The following PRKN variants were observed in gnomAD, a reference collection of about 807,000 sequenced individuals.
The protein encoded by PRKN is E3 ubiquitin-protein ligase parkin.
A neutral mutation model predicts 59.5 loss-of-function variants in PRKN; 56 were observed. The ratio of observed to expected loss-of-function variants is 0.94; its 90% CI spans 0.76 to 1.18. The LOEUF (loss-of-function observed/expected upper bound fraction) is 1.18. Ranked by LOEUF, PRKN falls within the 50% of genes most tolerant of loss-of-function variation. PRKN has a pLI of 0.00. For synonymous variants in PRKN, 250 were observed against 222.1 expected (o/e 1.13, Z -1.12); for missense variants, 657 against 596.4 (o/e 1.10, Z -1.06).
intron 3 of PRKN, among the ~76,000 whole-genome samples, chr6:162,220,016 G>A (rs1777862915): frequency 6.6e-6 from 1 of 151,988 alleles, no homozygotes; most frequent in Admixed American, 6.6e-5. Flanking sequence ...ATCAGCAATG[G>A]GGAAAAGACT....
chr6:162,377,030 C>G (rs79569623), intron 2 of PRKN, among the ~76,000 whole-genome samples: 1 of 151,984 alleles, frequency 6.6e-6, no homozygotes, highest in South Asian at 2.1e-4. Flanking sequence ...TAGCAGGAAC[C>G]GCTGCAGCTA....
At chr6:162,250,989 G>C (rs1281518840) in intron 3 of PRKN, among the ~76,000 whole-genome samples, 1 of 151,684 alleles carries the variant, frequency 6.6e-6, no homozygotes, top group Non-Finnish European at 1.5e-5. Context: ...ATCCCATCTT[G>C]GGACACTGAA....
intron 6 of PRKN, among the ~76,000 whole-genome samples, chr6:161,805,478 A>ACACACACACACGCATG (rs61442187): frequency 1.3e-5 from 2 of 149,364 alleles, no homozygotes; most frequent in Non-Finnish European, 3.0e-5. Context: ...ACACACACAC[A>ACACACACACACGCATG]CATGCATGTA....
intron 1 of PRKN, among the ~76,000 whole-genome samples, chr6:162,535,780 A>G (rs1314219142): frequency 2.0e-5 from 3 of 151,852 alleles, no homozygotes; most frequent in African/African-American, 7.3e-5. Flanking sequence ...ACGGTGGTAC[A>G]TGCCTATAAT....
intron 1 of PRKN, among the ~76,000 whole-genome samples, chr6:162,701,652 G>A (rs970750170): frequency 6.6e-6 from 1 of 151,488 alleles, no homozygotes; most frequent in South Asian, 2.1e-4. Context: ...TAAAGCTAAG[G>A]GTCAACAAGC....
At chr6:162,082,502 G>A (rs1266750354) in intron 4 of PRKN, among the ~76,000 whole-genome samples, 3 of 152,034 alleles carry the variant, frequency 2.0e-5, no homozygotes, top group African/African-American at 7.3e-5. Flanking sequence ...CAGCAATAAA[G>A]CTGTTTTTCT....
At position 162,531,522 on chromosome 6, in the gene PRKN, A is replaced by G. The variant is rs558704555; in HGVS notation, c.8-88049T>C. 3.4e-4 allele frequency among the ~76,000 whole-genome samples: 52 copies of G among 152,258 alleles called. 1 individual carries two copies. Among genetic ancestry groups the G allele is most frequent in the Admixed American group, 3.1e-3 (47 of 15,292 alleles). On this transcript the variant is annotated intron_variant, in intron 1 of 11. Transcript: ENST00000366898. ...GTGCTGATTGGCCAGAGATGAAATC[A>G]TAGGACCCGGAGCTGTCTTCCTGCA...
At chr6:161,596,129 C>T (rs114488589) in intron 7 of PRKN, among the ~76,000 whole-genome samples, 1,750 of 152,216 alleles carry the variant, frequency 0.011, 32 homozygotes, top group African/African-American at 0.04. Context: ...CTATACCTAT[C>T]AGGGTTGAGG....
intron 7 of PRKN, among the ~76,000 whole-genome samples, chr6:161,589,300 C>T (rs150979964): frequency 9.6e-4 from 146 of 152,266 alleles, no homozygotes; most frequent in African/African-American, 3.3e-3. Context: ...CTGAGACGCC[C>T]GTATTTTAAT....
rs961441900 is a variant in PRKN at position 161,562,298 on chromosome 6, C to T, written c.933+7057G>A. On this transcript the variant is annotated intron_variant, in intron 8 of 11. Coordinates refer to ENST00000366898, the MANE Select transcript of PRKN (RefSeq NM_004562.3). This position sits in a 1 kb window ranked among gnomAD's most constrained non-coding sequence, Gnocchi z 4.3. ...ACACCACAAATTGCCATTCCTCCTCCGGAAGGCCCGCCTACTTGCCTTCTC... is the reference window on the plus strand; with the variant it reads ...ACACCACAAATTGCCATTCCTCCTCTGGAAGGCCCGCCTACTTGCCTTCTC... 1.3e-5 allele frequency among the ~76,000 whole-genome samples: 2 copies of T among 150,706 alleles called. No homozygotes were observed. The highest frequency in any genetic ancestry group is 2.4e-5 in the African/African-American group (1 of 40,894).
intron 4 of PRKN, among the ~76,000 whole-genome samples, chr6:162,073,283 G>C (rs926895594): frequency 6.6e-6 from 1 of 152,196 alleles, no homozygotes; most frequent in African/African-American, 2.4e-5. Context: ...AAAACACAAT[G>C]CTGCAGCTGC....
chr6:162,249,519 T>G (rs527701398), intron 3 of PRKN, among the ~76,000 whole-genome samples: 3 of 152,158 alleles, frequency 2.0e-5, no homozygotes, highest in Non-Finnish European at 4.4e-5. Flanking sequence ...TCCTGAGAAC[T>G]TCAAGAAGAA....
intron 1 of PRKN, among the ~76,000 whole-genome samples, chr6:162,509,545 T>C (rs1041546595): frequency 6.6e-6 from 1 of 152,164 alleles, no homozygotes; most frequent in South Asian, 2.1e-4. Context: ...AATTCATAGA[T>C]TTTTCCCAAA....
chr6:161,730,711 T>G (rs1326793324), intron 7 of PRKN, among the ~76,000 whole-genome samples: 1 of 152,230 alleles, frequency 6.6e-6, no homozygotes, highest in African/African-American at 2.4e-5. Context: ...CTTTCTGGTG[T>G]GTTGCATTCT....
chr6:162,365,501 C>G (rs909105129), intron 2 of PRKN, among the ~76,000 whole-genome samples: 4 of 152,116 alleles, frequency 2.6e-5, no homozygotes, highest in African/African-American at 9.7e-5. Flanking sequence ...TGGACTCTTA[C>G]GTGATTTACT....
intron 1 of PRKN, among the ~76,000 whole-genome samples, chr6:162,560,867 A>AAAAAAAAAAAC (rs1779809900): frequency 2.0e-5 from 3 of 148,200 alleles, no homozygotes; most frequent in African/African-American, 7.5e-5. Context: ...AAAAAAAAAA[A>AAAAAAAAAAAC]CCCAGGTCAT....
intron 3 of PRKN, among the ~76,000 whole-genome samples, chr6:162,239,907 C>A (rs909819448): frequency 2.6e-5 from 4 of 152,108 alleles, no homozygotes; most frequent in African/African-American, 9.7e-5. Context: ...ATAACCCAGG[C>A]CTCCCAGATG....
At chr6:161,631,606 T>A (rs1307843153) in intron 7 of PRKN, among the ~76,000 whole-genome samples, 1 of 152,258 alleles carries the variant, frequency 6.6e-6, no homozygotes, top group African/African-American at 2.4e-5. Context: ...AATATGAGGA[T>A]GACTTCAGGC....
chr6:161,385,531 T>A lies in PRKN; in HGVS notation c.1167+1263A>T, dbSNP rs945839667. On this transcript the variant is annotated intron_variant, in intron 10 of 11. Coordinates refer to ENST00000366898, the MANE Select transcript of PRKN (RefSeq NM_004562.3). This position sits in a 1 kb window ranked among gnomAD's most constrained non-coding sequence, Gnocchi z 4.9. ...GGAGGGTCAGGCGCCTGGATGGCTT[T>A]AGGTTAAGCAATGCTCTTCTTTCCC... Among the ~76,000 whole-genome samples, 2 of 152,198 alleles carry A rather than the reference T, an allele frequency of 1.3e-5. 1 individual carries two copies. Among genetic ancestry groups the A allele is most frequent in the East Asian group, 3.9e-4 (2 of 5,194 alleles).
Sources: gnomAD v4.1 joint callset for allele counts (sites outside exome capture counted in the v4.1 genomes callset) on GRCh38, gnomAD v4.1.1 for gene constraint, Gnocchi (gnomAD v3.1) non-coding constraint, MANE v1.5 for transcripts, NCBI Gene and HGNC (gene_info 2026-07-23, HGNC 2026-07-21) for gene names.